WWOX: variants seen among roughly 807,000 people sequenced by gnomAD.
The protein encoded by WWOX is WW domain containing oxidoreductase, also known as WW domain-containing oxidoreductase.
Under a neutral mutation model 46.2 loss-of-function variants are expected in WWOX, and 69 were observed. That is an observed-to-expected ratio of 1.49 (90% CI 1.23 to 1.82). The LOEUF is 1.82. Ranked by LOEUF, WWOX falls within the 40% of genes most tolerant of loss-of-function variation. WWOX has a pLI of 0.00. For missense variants in WWOX, 919 were observed against 542.6 expected (o/e 1.69, Z -6.89); for synonymous variants, 359 against 202.6 (o/e 1.77, Z -6.56).
At chr16:78,900,091 C>T (rs568543680) in intron 8 of WWOX, among the ~76,000 whole-genome samples, 9 of 118,428 alleles carry the variant, frequency 7.6e-5, no homozygotes, top group East Asian at 5.0e-4. Flanking sequence ...CTGCAGAGAG[C>T]GTTGCTGCTC....
intron 8 of WWOX, among the ~76,000 whole-genome samples, chr16:78,742,018 A>G (rs1279325629): frequency 6.6e-6 from 1 of 152,002 alleles, no homozygotes; most frequent in Non-Finnish European, 1.5e-5. Flanking sequence ...CCCACCCCCT[A>G]CGATGTCTAT....
chr16:78,691,926 A>G (rs113031189), intron 8 of WWOX, among the ~76,000 whole-genome samples: 3,960 of 152,230 alleles, frequency 0.026, 72 homozygotes, highest in African/African-American at 0.049. Context: ...TTCCCATGCT[A>G]TTCTCATAAT....
chr16:78,194,642 A>C (rs2035991795), intron 5 of WWOX, among the ~76,000 whole-genome samples: 1 of 151,686 alleles, frequency 6.6e-6, no homozygotes, highest in African/African-American at 2.4e-5. Context: ...GGCCTCTCTT[A>C]AAAATATTGG....
At chr16:78,860,298 A>G (rs1294064876) in intron 8 of WWOX, among the ~76,000 whole-genome samples, 1 of 152,222 alleles carries the variant, frequency 6.6e-6, no homozygotes, top group Admixed American at 6.5e-5. Context: ...ATGAATGAAT[A>G]GTGGCCTACT....
chr16:78,616,291 T>C (rs940981990), intron 8 of WWOX, among the ~76,000 whole-genome samples: 5 of 152,130 alleles, frequency 3.3e-5, no homozygotes, highest in Admixed American at 6.6e-5. Context: ...CAAAATGCCA[T>C]GGACTGAATA....
intron 8 of WWOX, among the ~76,000 whole-genome samples, chr16:79,164,712 T>C (rs1208960122): frequency 1.3e-5 from 2 of 152,202 alleles, no homozygotes; most frequent in Non-Finnish European, 2.9e-5. Context: ...TACTGGAGTG[T>C]CAGCGATAAT....
intron 8 of WWOX, among the ~76,000 whole-genome samples, chr16:78,783,176 A>G (rs1448107768): frequency 3.3e-5 from 5 of 152,268 alleles, no homozygotes; most frequent in African/African-American, 1.2e-4. Flanking sequence ...CCCATCATTT[A>G]TAATGGCTGC....
intron 8 of WWOX, among the ~76,000 whole-genome samples, chr16:78,651,527 C>G (rs1472680209): frequency 1.3e-5 from 2 of 152,196 alleles, no homozygotes; most frequent in African/African-American, 4.8e-5. Flanking sequence ...AGAGTCTATC[C>G]TTGATGCTCA....
At chr16:78,122,309 C>T (rs1444151529) in intron 4 of WWOX, among the ~76,000 whole-genome samples, 1 of 152,040 alleles carries the variant, frequency 6.6e-6, no homozygotes, top group Non-Finnish European at 1.5e-5. Flanking sequence ...TCACATGAGG[C>T]CATCAGTTGA....
At chr16:78,778,444 C>A (rs999902536) in intron 8 of WWOX, among the ~76,000 whole-genome samples, 2 of 152,180 alleles carry the variant, frequency 1.3e-5, no homozygotes, top group Non-Finnish European at 2.9e-5. Context: ...ATGATTGATG[C>A]ATGTGTTGTT....
chr16:78,686,023 G>T (rs992882394), intron 8 of WWOX, among the ~76,000 whole-genome samples: 1 of 152,110 alleles, frequency 6.6e-6, no homozygotes, highest in African/African-American at 2.4e-5. Flanking sequence ...GGGCAGGAAA[G>T]GAAGAAATAA....
chr16:78,637,632 G>T (rs1410833884), intron 8 of WWOX, among the ~76,000 whole-genome samples: 1 of 152,164 alleles, frequency 6.6e-6, no homozygotes, highest in Non-Finnish European at 1.5e-5. Context: ...AAAGATAAAA[G>T]AAGGAAGGGC....
At chr16:79,139,530 A>G (rs2050047641) in intron 8 of WWOX, among the ~76,000 whole-genome samples, 2 of 152,162 alleles carry the variant, frequency 1.3e-5, no homozygotes, top group Non-Finnish European at 2.9e-5. Context: ...TCCAAACACG[A>G]TGTCTTTAGC....
intron 8 of WWOX, chr16:78,898,340 G>A (rs1459624398): frequency 1.3e-5 from 2 of 151,988 alleles, no homozygotes; most frequent in Non-Finnish European, 2.9e-5. Flanking sequence ...TAATGGTAGA[G>A]GTTTATTTTT....
At chr16:78,586,364 A>C (rs1348895364) in intron 8 of WWOX, among the ~76,000 whole-genome samples, 2 of 152,084 alleles carry the variant, frequency 1.3e-5, no homozygotes, top group East Asian at 3.9e-4. Flanking sequence ...AGGCTAGACA[A>C]ACCTCTCCAT....
chr16:78,826,942 C>A (rs1273199861), intron 8 of WWOX, among the ~76,000 whole-genome samples: 1 of 152,182 alleles, frequency 6.6e-6, no homozygotes, highest in African/African-American at 2.4e-5. Flanking sequence ...CAAGCTATTA[C>A]ATTTTTTGAA....
intron 8 of WWOX, among the ~76,000 whole-genome samples, chr16:78,749,619 A>G (rs993505443): frequency 6.6e-6 from 1 of 152,212 alleles, no homozygotes; most frequent in Non-Finnish European, 1.5e-5. Flanking sequence ...AGGATAAGGA[A>G]GCATGAATTA....
chr16:79,031,216 A>G (rs957609442), intron 8 of WWOX, among the ~76,000 whole-genome samples: 2 of 152,186 alleles, frequency 1.3e-5, no homozygotes, highest in South Asian at 2.1e-4. Context: ...TAGGGATTAG[A>G]TGAGTGTCCC....
chr16:78,202,550 A>T (rs530306371), intron 5 of WWOX, among the ~76,000 whole-genome samples: 1 of 152,292 alleles, frequency 6.6e-6, no homozygotes, highest in Non-Finnish European at 1.5e-5. Context: ...TGTTTGTCAG[A>T]TCAGTTTTCT....
Sources: gnomAD v4.1 joint callset for allele counts (sites outside exome capture counted in the v4.1 genomes callset) on GRCh38, gnomAD v4.1.1 for gene constraint, MANE v1.5 for transcripts, NCBI Gene and HGNC (gene_info 2026-07-23, HGNC 2026-07-21) for gene names.